The following DNASE1 variants were observed in gnomAD, a reference collection of about 807,000 sequenced individuals.
DNASE1 encodes deoxyribonuclease 1.
In DNASE1, 40 loss-of-function variants were observed where a neutral mutation model predicts 33.9. That is an observed-to-expected ratio of 1.18 (90% CI 0.92 to 1.54). The LOEUF (loss-of-function observed/expected upper bound fraction) is 1.54, where lower values mean the gene tolerates loss of function less well. Ranked by LOEUF, DNASE1 falls within the 40% of genes most tolerant of loss-of-function variation. The probability of loss-of-function intolerance (pLI) is 0.00; values close to 1 mark genes in which losing one functional copy is unlikely to be tolerated. For synonymous variants in DNASE1, 216 were observed against 160.0 expected (o/e 1.35, Z -2.64); for missense variants, 518 against 372.6 (o/e 1.39, Z -3.21).
upstream of DNASE1, among the ~76,000 whole-genome samples, chr16:3,640,093 A>C (rs1317905617): frequency 2.0e-5 from 3 of 152,136 alleles, no homozygotes; most frequent in Admixed American, 6.5e-5. Flanking sequence ...CCTTCTGCGG[A>C]GTCTACCCAA....
exon 1 of DNASE1, chr16:3,611,936 G>C (rs1295495470): frequency 6.6e-6 from 1 of 152,364 alleles, no homozygotes; most frequent in Admixed American, 6.5e-5. Context: ...GTGGAGCGGA[G>C]AGTGGACGGT....
chr16:3,627,364 C>G (rs1173474628), intron 1 of DNASE1, among the ~76,000 whole-genome samples: 1 of 151,410 alleles, frequency 6.6e-6, no homozygotes, highest in Non-Finnish European at 1.5e-5. Context: ...CAGCATTGAA[C>G]TCTAGCTCAA....
chr16:3,629,150 C>T (rs191539101), intron 1 of DNASE1, among the ~76,000 whole-genome samples: 1 of 128,936 alleles, frequency 7.8e-6, no homozygotes, highest in African/African-American at 3.0e-5. Context: ...CCAGCCTGGG[C>T]GACAGAGCAA....
At chr16:3,632,719 G>C (rs1361921057) in intron 1 of DNASE1, among the ~76,000 whole-genome samples, 3 of 152,006 alleles carry the variant, frequency 2.0e-5, no homozygotes, top group African/African-American at 7.3e-5. Flanking sequence ...CTAAGTAGCT[G>C]AGATTACAGG....
At chr16:3,623,082 A>G (rs2041379881) in intron 1 of DNASE1, among the ~76,000 whole-genome samples, 1 of 152,098 alleles carries the variant, frequency 6.6e-6, no homozygotes, top group Non-Finnish European at 1.5e-5. Context: ...GGTGGTGCAC[A>G]CCTGTGGTCC....
At chr16:3,612,933 A>G (rs1242187226) in intron 1 of DNASE1, among the ~76,000 whole-genome samples, 1 of 152,182 alleles carries the variant, frequency 6.6e-6, no homozygotes, top group Non-Finnish European at 1.5e-5. Flanking sequence ...CACTGAAATA[A>G]TGAACACAGG....
intron 1 of DNASE1, among the ~76,000 whole-genome samples, chr16:3,623,795 A>G (rs1181566314): frequency 6.6e-6 from 1 of 152,162 alleles, no homozygotes; most frequent in Non-Finnish European, 1.5e-5. Flanking sequence ...AGCGGCAAAG[A>G]AACATGAAAA....
upstream of DNASE1, among the ~76,000 whole-genome samples, chr16:3,639,236 G>T (rs1201651764): frequency 6.6e-6 from 1 of 152,190 alleles, no homozygotes; most frequent in Non-Finnish European, 1.5e-5. Flanking sequence ...AGTGGAAAGC[G>T]TTGAGAGGAA....
rs1248244873 is a variant in DNASE1 at position 3,655,463 on chromosome 16, C to G, written c.90C>G (p.Ile30Met). ...AVSLKIAAFN[I>M]QTFGETKMSN... ...CCCTGAAGATCGCAGCCTTCAACATCCAGACATTTGGGGAGACCAAGATGT... is the reference window on the plus strand; with the variant it reads ...CCCTGAAGATCGCAGCCTTCAACATGCAGACATTTGGGGAGACCAAGATGT... Residue 30 changes from isoleucine (I) to methionine (M), a missense_variant, in exon 2 of 9, where the codon ATC becomes ATG. Coordinates refer to ENST00000246949, the MANE Select transcript of DNASE1 (RefSeq NM_005223.4). 5.6e-6 allele frequency: 9 copies of G among 1,614,156 alleles called. No homozygotes were observed. Among genetic ancestry groups the G allele is most frequent in the Non-Finnish European group, 7.6e-6 (9 of 1,180,036 alleles).
downstream of DNASE1, chr16:3,661,679 A>G (rs2043083568): frequency 3.1e-6 from 1 of 324,092 alleles, no homozygotes; most frequent in Admixed American, 4.9e-5. Flanking sequence ...CCACGTACAA[A>G]GCTCAAAACA....
chr16:3,656,986 G>C lies in DNASE1; in HGVS notation c.437-13G>C. 1 of 1,612,572 alleles carries C rather than the reference G, an allele frequency of 6.2e-7. No homozygotes were observed. Among genetic ancestry groups the C allele is most frequent in the Non-Finnish European group, 8.5e-7 (1 of 1,179,562 alleles). ...CAGGGAGTGTGCCTCACACGACGTG[G>C]CTGTCTCCACAGAGGTCAGGGAGTT... On this transcript the variant is annotated splice_polypyrimidine_tract_variant and intron_variant, in intron 5 of 8. Transcript: ENST00000246949.
intron 1 of DNASE1, among the ~76,000 whole-genome samples, chr16:3,632,875 T>C (rs1259944662): frequency 1.3e-5 from 2 of 152,214 alleles, no homozygotes; most frequent in African/African-American, 4.8e-5. Context: ...AGTGAGCAAC[T>C]GTGCCCAGCC....
At chr16:3,629,611 T>C (rs1183845062) in intron 1 of DNASE1, among the ~76,000 whole-genome samples, 2 of 152,188 alleles carry the variant, frequency 1.3e-5, no homozygotes, top group Non-Finnish European at 2.9e-5. Context: ...AGGAAGTATT[T>C]CTTACTCTCC....
At chr16:3,625,691 C>G (rs61301535) in intron 1 of DNASE1, among the ~76,000 whole-genome samples, 4,884 of 152,202 alleles carry the variant, frequency 0.032, 123 homozygotes, top group South Asian at 0.13. Flanking sequence ...AGGAGGGAAT[C>G]TTCATGACTT....
intron 1 of DNASE1, among the ~76,000 whole-genome samples, chr16:3,624,317 G>A (rs577213927): frequency 6.6e-5 from 10 of 151,898 alleles, no homozygotes; most frequent in East Asian, 1.9e-4. Flanking sequence ...GGTTAGCAAG[G>A]TCTTCTCTAC....
In DNASE1 at chr16:3,635,291, C is replaced by T. The variant is rs139545403; in HGVS notation, c.-1358-5424C>T. Among the ~76,000 whole-genome samples, 16 of 151,802 alleles carry T rather than the reference C, an allele frequency of 1.1e-4. 1 individual carries two copies. Among genetic ancestry groups the T allele is most frequent in the Non-Finnish European group, 2.1e-4 (14 of 67,950 alleles). On this transcript the variant is annotated intron_variant and NMD_transcript_variant, in intron 1 of 11. Transcript: ENST00000570769. ...TGGCCAACATGGTGAAACCCCATCT[C>T]TACTAAAAATAAAAAAATTAGCTGT...
At chr16:3,658,136 C>A (rs111987725), downstream of DNASE1, 1 of 1,613,980 alleles carries the variant, frequency 6.2e-7, no homozygotes, top group South Asian at 1.1e-5. Flanking sequence ...CTGTCAGTGT[C>A]GCTCCAGGGC....
intron 1 of DNASE1, among the ~76,000 whole-genome samples, chr16:3,646,025 G>A (rs970994999): frequency 2.0e-5 from 3 of 152,188 alleles, no homozygotes; most frequent in Admixed American, 6.5e-5. Context: ...TCCCAAGGGA[G>A]AGGAGAGAAA....
chr16:3,629,417 C>T (rs1019868761), intron 1 of DNASE1, among the ~76,000 whole-genome samples: 4 of 152,090 alleles, frequency 2.6e-5, no homozygotes, highest in African/African-American at 9.7e-5. Context: ...ACCATCCATG[C>T]ATTTCAGGAG....
Sources: allele counts gnomAD v4.1 joint callset (sites outside exome capture counted in the v4.1 genomes callset), GRCh38; gene constraint gnomAD v4.1.1; transcripts MANE v1.5; gene names NCBI Gene and HGNC (gene_info 2026-07-23, HGNC 2026-07-21).